TRHDE: variants seen among roughly 807,000 people sequenced by gnomAD.
TRHDE encodes thyrotropin releasing hormone degrading enzyme.
TRHDE carries 72 observed loss-of-function variants against 125.7 expected under a neutral mutation model. That is an observed-to-expected ratio of 0.57 (90% CI 0.47 to 0.70). TRHDE has a LOEUF of 0.70. Among genes scored for constraint, TRHDE ranks in the 30% least tolerant of loss-of-function variants. The pLI, the probability that TRHDE is intolerant of heterozygous loss-of-function variation, is 0.00. For synonymous variants in TRHDE, 509 were observed against 509.1 expected, an observed-to-expected ratio of 1.00 and a Z score of 0.00; for missense variants, 1,110 against 1,327.1, an observed-to-expected ratio of 0.84 and a Z score of 2.54.
intron 3 of TRHDE, among the ~76,000 whole-genome samples, chr12:72,419,762 A>G (rs1446782416): frequency 6.6e-6 from 1 of 152,188 alleles, no homozygotes; most frequent in African/African-American, 2.4e-5. Flanking sequence ...CCTATAAATT[A>G]GCAGATTAAG....
At chr12:72,577,719 G>A (rs778153461) in intron 12 of TRHDE, among the ~76,000 whole-genome samples, 35 of 152,012 alleles carry the variant, frequency 2.3e-4, no homozygotes, top group Admixed American at 1.4e-3. Context: ...TAATTTTAGT[G>A]GATAAATTTC....
At chr12:72,175,957 C>G (rs1305573941) in intron 2 of TRHDE, among the ~76,000 whole-genome samples, 1 of 152,120 alleles carries the variant, frequency 6.6e-6, no homozygotes, top group African/African-American at 2.4e-5. Flanking sequence ...GGGTTTATGC[C>G]TATGAAAGGA....
chr12:72,439,695 A>G (rs1401936472), intron 3 of TRHDE, among the ~76,000 whole-genome samples: 2 of 151,810 alleles, frequency 1.3e-5, no homozygotes, highest in Non-Finnish European at 2.9e-5. Flanking sequence ...TGCAAACATG[A>G]ATAATTTGAC....
At chr12:72,476,297 G>A (rs1876889581) in intron 5 of TRHDE, among the ~76,000 whole-genome samples, 1 of 152,136 alleles carries the variant, frequency 6.6e-6, no homozygotes, top group Non-Finnish European at 1.5e-5. Context: ...TATAAATCCA[G>A]AAAACCTACA....
chr12:72,361,802 A>G (rs1401810975), intron 2 of TRHDE, among the ~76,000 whole-genome samples: 1 of 141,094 alleles, frequency 7.1e-6, no homozygotes, highest in Non-Finnish European at 1.5e-5. Context: ...TATGAGTGAG[A>G]ATATGCAGTG....
intron 15 of TRHDE, among the ~76,000 whole-genome samples, chr12:72,644,447 T>A (rs1874195690): frequency 6.6e-6 from 1 of 151,942 alleles, no homozygotes; most frequent in South Asian, 2.1e-4. Context: ...GATGCCATAT[T>A]TTTTTTTCCC....
intron 6 of TRHDE, among the ~76,000 whole-genome samples, chr12:72,514,189 A>G (rs369604758): frequency 7.9e-5 from 12 of 152,260 alleles, no homozygotes; most frequent in African/African-American, 2.9e-4. Flanking sequence ...TCCACAGATA[A>G]ATCTCAAGGA....
intron 2 of TRHDE, among the ~76,000 whole-genome samples, chr12:72,118,258 A>G (rs1389062850): frequency 2.6e-5 from 4 of 152,044 alleles, no homozygotes; most frequent in Admixed American, 2.6e-4. Context: ...TTTTTAAATC[A>G]TGAAGGGATG....
intron 6 of TRHDE, among the ~76,000 whole-genome samples, chr12:72,539,480 C>T (rs1018386915): frequency 1.3e-5 from 2 of 151,844 alleles, no homozygotes; most frequent in South Asian, 4.1e-4. Flanking sequence ...TTTTCTCTTT[C>T]TCTGTTATCC....
rs543946360 is a variant in TRHDE at position 72,657,841 on chromosome 12, G to GCA, written c.3066+833_3066+834insCA. On this transcript the variant is annotated intron_variant, in intron 18 of 18. Transcript: ENST00000261180. ...AATGGATCGCACTTCAAACATTGAT[G>GCA]GCCTTTTCTTGTGCTCCTGTTCTCC... Among the ~76,000 whole-genome samples, 409 of 152,180 alleles carry GCA rather than the reference G, an allele frequency of 2.7e-3. 1 individual carries two copies. The highest frequency in any genetic ancestry group is 0.01 in the South Asian group (50 of 4,810).
chr12:72,474,233 C>T (rs1335990269), intron 5 of TRHDE, among the ~76,000 whole-genome samples: 1 of 152,042 alleles, frequency 6.6e-6, no homozygotes, highest in Non-Finnish European at 1.5e-5. Flanking sequence ...TATTCATCAC[C>T]TCCAAAATTT....
chr12:72,472,117 T>G (rs1381082716), intron 4 of TRHDE, among the ~76,000 whole-genome samples: 1 of 152,224 alleles, frequency 6.6e-6, no homozygotes, highest in African/African-American at 2.4e-5. Context: ...AGTTCCTCCC[T>G]CATTCCTGTA....
At chr12:72,580,371 A>G (rs915550190) in intron 12 of TRHDE, among the ~76,000 whole-genome samples, 1 of 152,190 alleles carries the variant, frequency 6.6e-6, no homozygotes, top group Non-Finnish European at 1.5e-5. Flanking sequence ...TGCAAGTTCT[A>G]TTGTATTATG....
chr12:72,417,147 C>A (rs895542307), intron 3 of TRHDE, among the ~76,000 whole-genome samples: 1 of 151,786 alleles, frequency 6.6e-6, no homozygotes. Flanking sequence ...AGATTACTTT[C>A]TTGGTTTCTT....
At chr12:72,219,730 C>A (rs1160843345) in intron 2 of TRHDE, among the ~76,000 whole-genome samples, 1 of 152,134 alleles carries the variant, frequency 6.6e-6, no homozygotes, top group African/African-American at 2.4e-5. Context: ...CCCTGTTAGT[C>A]CATGGTCCTT....
intron 2 of TRHDE, among the ~76,000 whole-genome samples, chr12:72,369,614 T>G (rs1024195583): frequency 6.6e-6 from 1 of 152,142 alleles, no homozygotes; most frequent in Admixed American, 6.5e-5. Context: ...TGATAAACTA[T>G]AGCCCCCAGA....
chr12:72,151,322 A>G (rs1415132674), intron 2 of TRHDE, among the ~76,000 whole-genome samples: 1 of 152,056 alleles, frequency 6.6e-6, no homozygotes, highest in Admixed American at 6.5e-5. Flanking sequence ...TAGATTGCAA[A>G]AATTTTCTCC....
intron 2 of TRHDE, among the ~76,000 whole-genome samples, chr12:72,211,505 A>C (rs1210010403): frequency 6.6e-6 from 1 of 152,206 alleles, no homozygotes; most frequent in African/African-American, 2.4e-5. Context: ...TATATTCAGC[A>C]AGCTTTTGAT....
intron 3 of TRHDE, among the ~76,000 whole-genome samples, chr12:72,459,295 A>C (rs919987935): frequency 6.6e-6 from 1 of 152,142 alleles, no homozygotes; most frequent in African/African-American, 2.4e-5. Flanking sequence ...AGCAATCTTA[A>C]TTCTGTGTGC....
Sources: gnomAD v4.1 joint callset for allele counts (sites outside exome capture counted in the v4.1 genomes callset) on GRCh38, gnomAD v4.1.1 for gene constraint, MANE v1.5 for transcripts, NCBI Gene and HGNC (gene_info 2026-07-23, HGNC 2026-07-21) for gene names.